Variants in NT5DC1 observed in about 807,000 individuals in gnomAD.
The protein encoded by NT5DC1 is 5'-nucleotidase domain-containing protein 1.
In NT5DC1, 42 loss-of-function variants were observed where a neutral mutation model predicts 59.4. The observed-to-expected ratio is 0.71, with a 90% confidence interval of 0.55 to 0.92. The LOEUF (loss-of-function observed/expected upper bound fraction) is 0.92. Ranked by LOEUF, NT5DC1 falls within the 40% of genes least tolerant of loss-of-function variation. The pLI is 0.00. For synonymous variants in NT5DC1, 172 were observed against 188.1 expected, an observed-to-expected ratio of 0.91 and a Z score of 0.70; for missense variants, 501 against 537.1, an observed-to-expected ratio of 0.93 and a Z score of 0.66.
rs182035692 is a variant in NT5DC1 at position 116,137,002 on chromosome 6, A to G, written c.529+19057A>G. 85 of 168,240 alleles carry G rather than the reference A, an allele frequency of 5.1e-4. 2 individuals are homozygous for G. The highest frequency in any genetic ancestry group is 4.7e-3 in the Admixed American group (78 of 16,744). The allele number at this position is 168,240 out of a possible 1,614,324, so 10.4% of individuals were successfully genotyped here. The stretch of plus-strand genomic sequence containing the variant: ...CCGATGGTGGAATACACACAAACAC[A>G]GGAAACAAAGCTGGGCCTTTCCACA... On this transcript the variant is annotated intron_variant, in intron 6 of 11. Coordinates refer to ENST00000319550, the MANE Select transcript of NT5DC1 (RefSeq NM_152729.3).
In NT5DC1 at chr6:116,248,333, A is replaced by C. The variant is rs1771886939; in HGVS notation, c.*4309A>C. On this transcript the variant is annotated 3_prime_UTR_variant, in exon 12 of 12. Transcript: ENST00000319550. Reference sequence around the variant, plus strand: ...CACTTCGAAGTGCCTGACATATCTCAGATCTTTTGAGGAGATTGTGAAGCC... The same window carrying C: ...CACTTCGAAGTGCCTGACATATCTCCGATCTTTTGAGGAGATTGTGAAGCC... 6.6e-6 allele frequency: 1 copy of C among 152,238 alleles called. No individual in the cohort carries two copies. The highest frequency in any genetic ancestry group is 6.5e-5 in the Admixed American group (1 of 15,280). The allele number at this position is 152,238 out of a possible 1,614,324, so 9.4% of individuals were successfully genotyped here. A position where few individuals can be genotyped will look rare whatever the true frequency, so the allele number is the denominator to read the frequency against.
intron 11 of NT5DC1, among the ~76,000 whole-genome samples, chr6:116,243,244 G>T (rs956769088): frequency 6.6e-6 from 1 of 152,172 alleles, no homozygotes; most frequent in Non-Finnish European, 1.5e-5. Flanking sequence ...CTATGAAGAA[G>T]ATTATTAGGT....
At chr6:116,182,809 G>A (rs551374315) in intron 6 of NT5DC1, among the ~76,000 whole-genome samples, 5 of 152,152 alleles carry the variant, frequency 3.3e-5, no homozygotes, top group African/African-American at 1.2e-4. Flanking sequence ...TGTATAGATT[G>A]TAAAGATTTT....
chr6:116,163,135 A>AT (rs1554197048), intron 6 of NT5DC1, among the ~76,000 whole-genome samples: 6 of 98,540 alleles, frequency 6.1e-5, no homozygotes, highest in East Asian at 7.3e-4. Context: ...TCAAAAAAAA[A>AT]AAAAAAATAT....
intron 6 of NT5DC1, among the ~76,000 whole-genome samples, chr6:116,154,588 G>C (rs960521739): frequency 1.3e-5 from 2 of 152,130 alleles, no homozygotes; most frequent in Non-Finnish European, 2.9e-5. Context: ...AGAACAGTGA[G>C]GTGGTGTTTA....
At chr6:116,144,020 A>AT (rs34260183) in intron 6 of NT5DC1, among the ~76,000 whole-genome samples, 1 of 152,142 alleles carries the variant, frequency 6.6e-6, no homozygotes, top group Non-Finnish European at 1.5e-5. Flanking sequence ...TATCATTATG[A>AT]TTTTTCACAC....
At chr6:116,107,492 T>C (rs1242124965) in intron 2 of NT5DC1, among the ~76,000 whole-genome samples, 1 of 151,738 alleles carries the variant, frequency 6.6e-6, no homozygotes, top group Non-Finnish European at 1.5e-5. Context: ...ACAAGTCTTT[T>C]ACAGTAAAGG....
chr6:116,123,910 T>G (rs983822144), intron 6 of NT5DC1, among the ~76,000 whole-genome samples: 1 of 152,362 alleles, frequency 6.6e-6, no homozygotes, highest in South Asian at 2.1e-4. Flanking sequence ...TTTGTTATGC[T>G]CTTATTAAGG....
At chr6:116,176,006 C>T (rs964267266) in intron 6 of NT5DC1, among the ~76,000 whole-genome samples, 25 of 152,140 alleles carry the variant, frequency 1.6e-4, no homozygotes, top group African/African-American at 6.0e-4. Context: ...TGATTGAATG[C>T]TGGACATTGT....
At chr6:116,149,302 C>A (rs1345467128) in intron 6 of NT5DC1, among the ~76,000 whole-genome samples, 1 of 152,204 alleles carries the variant, frequency 6.6e-6, no homozygotes, top group Non-Finnish European at 1.5e-5. Context: ...GTTTTCATCA[C>A]TGCAAAATTT....
In NT5DC1 at chr6:116,125,009, A is replaced by G. The variant is rs140030975; in HGVS notation, c.529+7064A>G. On this transcript the variant is annotated intron_variant, in intron 6 of 11. Coordinates refer to ENST00000319550, the MANE Select transcript of NT5DC1 (RefSeq NM_152729.3). ...GTTATTTTTAGCTTAAAATTTTTAA[A>G]CTTGATTAGTTTTGATTAGATCAAG... is the stretch of plus-strand genomic sequence containing the variant. Among the ~76,000 whole-genome samples, 19 of 152,328 alleles carry G rather than the reference A, an allele frequency of 1.2e-4. No homozygotes were observed. The East Asian group carries it at 3.7e-3, about 29-fold the overall frequency.
chr6:116,223,799 A>G (rs1781857052), intron 8 of NT5DC1, among the ~76,000 whole-genome samples: 3 of 152,216 alleles, frequency 2.0e-5, no homozygotes, highest in Admixed American at 2.0e-4. Flanking sequence ...ATATATTAAC[A>G]TTTGAGGACC....
chr6:116,102,339 C>G (rs1778676986), intron 1 of NT5DC1, among the ~76,000 whole-genome samples: 1 of 152,212 alleles, frequency 6.6e-6, no homozygotes, highest in Non-Finnish European at 1.5e-5. Context: ...TGTCCTTTTT[C>G]TGCTGTTACA....
At chr6:116,237,525 G>A (rs1782140533) in intron 9 of NT5DC1, 1 of 457,268 alleles carries the variant, frequency 2.2e-6, no homozygotes, top group East Asian at 6.9e-5. Context: ...TCCATTGGCT[G>A]TCACCATGCC....
intron 6 of NT5DC1, among the ~76,000 whole-genome samples, chr6:116,185,084 G>C (rs1780967412): frequency 6.6e-6 from 1 of 151,996 alleles, no homozygotes; most frequent in African/African-American, 2.4e-5. Context: ...TAAGTTTAAA[G>C]AATTTTTAAA....
At chr6:116,191,997 A>T (rs1267471194) in intron 6 of NT5DC1, among the ~76,000 whole-genome samples, 2 of 152,080 alleles carry the variant, frequency 1.3e-5, no homozygotes, top group Non-Finnish European at 2.9e-5. Context: ...AAACATGAGG[A>T]TGAGGATGCA....
chr6:116,118,080 TG>T, intron 6 of NT5DC1, 135 bp downstream of exon 6: 1 of 680,922 alleles, frequency 1.5e-6, no homozygotes, highest in Non-Finnish European at 2.7e-6. Context: ...ATTATAAAGT[TG>T]GTTCTGACTA....
chr6:116,121,863 A>T, intron 6 of NT5DC1: 1 of 1,613,810 alleles, frequency 6.2e-7, no homozygotes, highest in Non-Finnish European at 8.5e-7. Context: ...GGACTTCCGT[A>T]GCCTGGTTTT....
chr6:116,171,086 C>CT lies in NT5DC1; in HGVS notation c.530-49958dup, dbSNP rs200943594. ...GGCCTGTAATATCCTTAGAAGTCATCTTTTTTTTTTAAATCCCCAACATAG... is the reference window on the plus strand; with the variant it reads ...GGCCTGTAATATCCTTAGAAGTCATCTTTTTTTTTTTAAATCCCCAACATAG... On this transcript the variant is annotated intron_variant, in intron 6 of 11. Coordinates refer to ENST00000319550, the MANE Select transcript of NT5DC1 (RefSeq NM_152729.3). Among the ~76,000 whole-genome samples, 67 of 148,936 alleles carry CT rather than the reference C, an allele frequency of 4.5e-4. 1 individual carries two copies. In the East Asian group the frequency reaches 0.011, roughly 25 times the overall value.
Sources: allele counts gnomAD v4.1 joint callset (sites outside exome capture counted in the v4.1 genomes callset), GRCh38; gene constraint gnomAD v4.1.1; transcripts MANE v1.5; gene names NCBI Gene and HGNC (gene_info 2026-07-23, HGNC 2026-07-21).